The following SEL1L variants were observed in gnomAD, a reference collection of about 807,000 sequenced individuals.
SEL1L encodes the protein SEL1L adaptor subunit of SYVN1 ubiquitin ligase, also known as protein sel-1 homolog 1.
Under a neutral mutation model 109.8 loss-of-function variants are expected in SEL1L, and 52 were observed. The ratio of observed to expected loss-of-function variants is 0.47; its 90% CI spans 0.38 to 0.60. SEL1L has a LOEUF of 0.60. SEL1L is among the 20% of genes least tolerant of loss of function. The probability of loss-of-function intolerance (pLI) is 0.00; values close to 1 mark genes in which losing one functional copy is unlikely to be tolerated. For synonymous variants in SEL1L, 373 were observed against 339.6 expected, an observed-to-expected ratio of 1.10 and a Z score of -1.08; for missense variants, 749 against 962.2, an observed-to-expected ratio of 0.78 and a Z score of 2.93.
At chr14:81,532,433 A>G (rs10145556) in intron 1 of SEL1L, among the ~76,000 whole-genome samples, 3,035 of 152,324 alleles carry the variant, frequency 0.02, 99 homozygotes, top group African/African-American at 0.069. Flanking sequence ...CAAATATTAA[A>G]TAACTGCTAA....
At chr14:81,510,500 C>CTA (rs1254798414) in intron 3 of SEL1L, among the ~76,000 whole-genome samples, 44 of 126,212 alleles carry the variant, frequency 3.5e-4, no homozygotes, top group Non-Finnish European at 6.4e-4. Context: ...CTCTCTCTCT[C>CTA]TCTCTCTCTC....
Position 81,472,702 on chromosome 14 carries a change from A to G in SEL1L, c.*4270T>C, listed in dbSNP as rs972827028. ...CAAAGATATCAGAGATTTAAAAGATAACATTTCTTAGCAAATTCATGTTCT... is the reference window on the plus strand; with the variant it reads ...CAAAGATATCAGAGATTTAAAAGATGACATTTCTTAGCAAATTCATGTTCT... On this transcript the variant is annotated 3_prime_UTR_variant, in exon 21 of 21. Coordinates refer to ENST00000336735, the MANE Select transcript of SEL1L (RefSeq NM_005065.6). 1.5e-5 allele frequency: 4 copies of G among 272,264 alleles called. No individual in the cohort carries two copies. Among genetic ancestry groups the G allele is most frequent in the African/African-American group, 2.3e-5 (1 of 43,428 alleles). 16.9% of individuals were successfully genotyped at this position (272,264 alleles called of 1,614,324 possible). A position where few individuals can be genotyped will look rare whatever the true frequency, so the allele number is the denominator to read the frequency against.
At chr14:81,496,467 T>G (rs1378721110) in intron 10 of SEL1L, among the ~76,000 whole-genome samples, 1 of 151,968 alleles carries the variant, frequency 6.6e-6, no homozygotes, top group Non-Finnish European at 1.5e-5. Flanking sequence ...TGGCTAGGTG[T>G]GGTGGCTAAT....
intron 11 of SEL1L, 83 bp downstream of exon 11, chr14:81,494,998 G>C (rs1883685634): frequency 7.6e-7 from 1 of 1,312,928 alleles, no homozygotes; most frequent in African/African-American, 1.5e-5. Context: ...GTTTGATACT[G>C]GTATTGACTT....
chr14:81,477,161 T>G lies in SEL1L; in HGVS notation c.2196A>C (p.Gln732His), dbSNP rs1410411681. Residue 732 changes from glutamine (Q) to histidine (H), a missense_variant, in exon 21 of 21, where the codon CAA becomes CAC. Physicochemically the swap from Gln to His is conservative, Grantham distance 24. This residue lies in a region of SEL1L where 383 missense variants were observed against 562.5 expected (regional missense o/e 0.68). Coordinates refer to ENST00000336735, the MANE Select transcript of SEL1L (RefSeq NM_005065.6). ...RETNIRDMFT[Q>H]LDMDQLLGPE... Reference sequence around the variant, plus strand: ...GTCCCAAAAGCTGGTCCATATCAAGTTGGGTGAACATATCTCGAATCTTAA... The same window carrying G: ...GTCCCAAAAGCTGGTCCATATCAAGGTGGGTGAACATATCTCGAATCTTAA... 14 of 1,613,954 alleles carry G rather than the reference T, an allele frequency of 8.7e-6. No individual in the cohort carries two copies. The highest frequency in any genetic ancestry group is 1.2e-5 in the Non-Finnish European group (14 of 1,179,948).
intron 1 of SEL1L, among the ~76,000 whole-genome samples, chr14:81,533,145 G>C (rs1176084605): frequency 6.6e-6 from 1 of 152,164 alleles, no homozygotes; most frequent in Non-Finnish European, 1.5e-5. Flanking sequence ...TTTCAAAAAA[G>C]TAAAAAGTGG....
At chr14:81,485,045 GA>G (rs1475794042) in intron 18 of SEL1L, among the ~76,000 whole-genome samples, 3 of 152,152 alleles carry the variant, frequency 2.0e-5, no homozygotes, top group Non-Finnish European at 4.4e-5. Flanking sequence ...AAAAGAAAAA[GA>G]AAAGTCTCTT....
In SEL1L at chr14:81,502,701, T is replaced by C. The variant is rs753362704; in HGVS notation, c.777+20A>G. Reference sequence around the variant, plus strand: ...ACAAGTGTTACATGCAGAGAGATTCTTCACTGAGAATGTACTTACAGTCTG... The same window carrying C: ...ACAAGTGTTACATGCAGAGAGATTCCTCACTGAGAATGTACTTACAGTCTG... On this transcript the variant is annotated intron_variant, in intron 6 of 20. Transcript: ENST00000336735. 1.9e-6 allele frequency: 3 copies of C among 1,610,432 alleles called. No homozygotes were observed. The highest frequency in any genetic ancestry group is 2.5e-6 in the Non-Finnish European group (3 of 1,177,964).
intron 4 of SEL1L, among the ~76,000 whole-genome samples, chr14:81,505,166 C>T (rs1294052277): frequency 6.6e-6 from 1 of 152,112 alleles, no homozygotes; most frequent in African/African-American, 2.4e-5. Context: ...TATATCTTTA[C>T]AAGGTGAAAA....
At chr14:81,533,097 C>T (rs2140071644) in intron 1 of SEL1L, among the ~76,000 whole-genome samples, 1 of 152,312 alleles carries the variant, frequency 6.6e-6, no homozygotes, top group East Asian at 1.9e-4. Context: ...TGGGGCAACT[C>T]AGAAACACTG....
In SEL1L at chr14:81,533,763, GCCAA is replaced by G; in HGVS notation, c.-23_-20del. 1 of 1,611,158 alleles carries G rather than the reference GCCAA, an allele frequency of 6.2e-7. No individual in the cohort carries two copies. Among genetic ancestry groups the G allele is most frequent in the Non-Finnish European group, 8.5e-7 (1 of 1,178,866 alleles). The stretch of plus-strand genomic sequence containing the variant: ...CCCGCATCCTCCTCTCGGGGCCGGT[GCCAA>G]CCCCTAGAGCTGTCGCCTTCGCCTC... On this transcript the variant is annotated 5_prime_UTR_variant, in exon 1 of 21. Coordinates refer to ENST00000336735, the MANE Select transcript of SEL1L (RefSeq NM_005065.6).
intron 3 of SEL1L, among the ~76,000 whole-genome samples, chr14:81,508,486 C>T (rs1008881208): frequency 1.3e-5 from 2 of 152,066 alleles, no homozygotes; most frequent in Admixed American, 6.6e-5. Flanking sequence ...TGGCTCACGC[C>T]TGTAATTCCC....
intron 3 of SEL1L, among the ~76,000 whole-genome samples, chr14:81,513,939 C>T (rs995806281): frequency 1.3e-5 from 2 of 152,230 alleles, no homozygotes; most frequent in African/African-American, 2.4e-5. Flanking sequence ...AAGTGAGACT[C>T]GCCCATCTAT....
chr14:81,488,997 G>A, intron 14 of SEL1L: 1 of 503,546 alleles, frequency 2.0e-6, no homozygotes, highest in Non-Finnish European at 3.5e-6. Flanking sequence ...GGGGTAGAGA[G>A]CAGAGATGGA....
At chr14:81,509,470 T>C (rs1884375633) in intron 3 of SEL1L, among the ~76,000 whole-genome samples, 1 of 152,208 alleles carries the variant, frequency 6.6e-6, no homozygotes, top group African/African-American at 2.4e-5. Flanking sequence ...TAATGAATCA[T>C]ATTTTGGCTC....
At chr14:81,509,280 T>C (rs8010569) in intron 3 of SEL1L, among the ~76,000 whole-genome samples, 4,311 of 152,300 alleles carry the variant, frequency 0.028, 195 homozygotes, top group African/African-American at 0.099. Flanking sequence ...AGCCATCCTT[T>C]TAAAAACCTC....
intron 13 of SEL1L, 65 bp downstream of exon 13, chr14:81,490,323 C>A: frequency 8.1e-7 from 1 of 1,234,040 alleles, no homozygotes; most frequent in African/African-American, 1.5e-5. Flanking sequence ...TTTAATATAA[C>A]AAATTCATTT....
intron 19 of SEL1L, among the ~76,000 whole-genome samples, chr14:81,483,555 C>A (rs185252418): frequency 9.3e-4 from 141 of 152,122 alleles, no homozygotes; most frequent in African/African-American, 3.3e-3. Flanking sequence ...AGGAAAAGAC[C>A]TAGCTTTCAA....
chr14:81,498,066 C>T lies in SEL1L; in HGVS notation c.974-20G>A, dbSNP rs7154698. 0.013 allele frequency: 21,292 copies of T among 1,593,908 alleles called. 1,812 individuals are homozygous for T. The African/African-American group carries it at 0.22, about 17-fold the overall frequency. ...TAGCAACTGAAATAGAGGGATAAAA[C>T]AATAAGGTGGAGGAAAATCAGAAGA... On this transcript the variant is annotated intron_variant, in intron 9 of 20. Transcript: ENST00000336735.
Sources: gnomAD v4.1 joint callset for allele counts (sites outside exome capture counted in the v4.1 genomes callset) on GRCh38, gnomAD v4.1.1 for gene constraint, gnomAD v4.1.1 regional missense constraint, MANE v1.5 for transcripts, NCBI Gene and HGNC (gene_info 2026-07-23, HGNC 2026-07-21) for gene names.